The following MYO6 variants were observed in gnomAD, a reference collection of about 807,000 sequenced individuals.
The protein encoded by MYO6 is unconventional myosin-VI.
Under a neutral mutation model 178.7 loss-of-function variants are expected in MYO6, and 74 were observed. That is an observed-to-expected ratio of 0.41 (90% CI 0.34 to 0.50). The LOEUF is 0.50. Ranked by LOEUF, MYO6 falls within the 20% of genes least tolerant of loss-of-function variation. The pLI, the probability that MYO6 is intolerant of heterozygous loss-of-function variation, is 0.09. For missense variants in MYO6, 1,330 were observed against 1,547.4 expected, an observed-to-expected ratio of 0.86 and a Z score of 2.36; for synonymous variants, 477 against 504.6, an observed-to-expected ratio of 0.95 and a Z score of 0.73.
intron 10 of MYO6, among the ~76,000 whole-genome samples, chr6:75,846,730 A>G (rs1295683454): frequency 6.6e-6 from 1 of 152,064 alleles, no homozygotes; most frequent in East Asian, 1.9e-4. Context: ...AGCAGTTCTG[A>G]AGGGGGGAAA....
intron 1 of MYO6, among the ~76,000 whole-genome samples, chr6:75,795,261 T>C (rs190914483): frequency 1.3e-5 from 2 of 152,256 alleles, no homozygotes; most frequent in East Asian, 3.9e-4. Context: ...TGCAGCACCG[T>C]AGAGGAGAGG....
At chr6:75,832,690 G>A (rs1773220897) in intron 5 of MYO6, 152 bp from the exon 6 acceptor site, 1 of 603,014 alleles carries the variant, frequency 1.7e-6, no homozygotes, top group Non-Finnish European at 2.9e-6. Flanking sequence ...AAAATGATTT[G>A]AACACTTTTG....
chr6:75,808,762 T>C (rs971104656), intron 1 of MYO6, among the ~76,000 whole-genome samples: 1 of 152,164 alleles, frequency 6.6e-6, no homozygotes. Flanking sequence ...GTACCCAAGG[T>C]GGTCAGGGCA....
At chr6:75,766,588 A>T (rs1165696980) in intron 1 of MYO6, among the ~76,000 whole-genome samples, 1 of 152,212 alleles carries the variant, frequency 6.6e-6, no homozygotes, top group Non-Finnish European at 1.5e-5. Flanking sequence ...TAGAATAATC[A>T]TGAATGCAGC....
intron 25 of MYO6, 56 bp from the exon 26 acceptor site, chr6:75,890,001 T>C (rs752756540): frequency 1.4e-4 from 175 of 1,234,076 alleles, no homozygotes; most frequent in Non-Finnish European, 2.0e-4. Context: ...ATATTCACAT[T>C]GTTGTGCAAC....
chr6:75,833,751 T>A (rs1171079773), intron 6 of MYO6, among the ~76,000 whole-genome samples: 3 of 152,240 alleles, frequency 2.0e-5, no homozygotes, highest in Non-Finnish European at 4.4e-5. Flanking sequence ...CATTTGTCAA[T>A]GGACATTTAG....
chr6:75,869,253 ATTTC>A (rs1469076765), intron 18 of MYO6, among the ~76,000 whole-genome samples: 1 of 152,002 alleles, frequency 6.6e-6, no homozygotes, highest in African/African-American at 2.4e-5. Flanking sequence ...ATACAACTGT[ATTTC>A]TTTAATTCAA....
At chr6:75,816,934 C>T (rs1223599327) in intron 1 of MYO6, among the ~76,000 whole-genome samples, 1 of 152,158 alleles carries the variant, frequency 6.6e-6, no homozygotes, top group East Asian at 1.9e-4. Context: ...TACTCTACTG[C>T]AGTCATACCT....
chr6:75,751,553 A>G (rs554413270), intron 1 of MYO6, among the ~76,000 whole-genome samples: 1 of 152,342 alleles, frequency 6.6e-6, no homozygotes, highest in African/African-American at 2.4e-5. Flanking sequence ...AAGATCGTAA[A>G]TCATAACCAG....
chr6:75,880,455 A>G (rs892830499), intron 22 of MYO6, among the ~76,000 whole-genome samples: 1 of 152,172 alleles, frequency 6.6e-6, no homozygotes, highest in Non-Finnish European at 1.5e-5. Context: ...ATACACCAAC[A>G]CTAATGATAG....
At chr6:75,840,533 T>G (rs1397204687) in intron 7 of MYO6, 52 bp from the exon 8 acceptor site, 14 of 1,202,346 alleles carry the variant, frequency 1.2e-5, no homozygotes, top group Non-Finnish European at 1.7e-5. Flanking sequence ...ATGCATATTT[T>G]GTAATGTTCC....
At chr6:75,895,336 T>A (rs1779211591) in intron 29 of MYO6, 76 bp downstream of exon 29, 1 of 1,143,238 alleles carries the variant, frequency 8.7e-7, no homozygotes, top group Non-Finnish European at 1.3e-6. Context: ...TTGGAGTAAA[T>A]TTTAAATTAT....
chr6:75,785,435 A>AGTTTTTT (rs1443196844), intron 1 of MYO6, among the ~76,000 whole-genome samples: 1 of 144,820 alleles, frequency 6.9e-6, no homozygotes, highest in Middle Eastern at 3.7e-3. Flanking sequence ...TTTGGATCCT[A>AGTTTTTT]GTTTTTTGTT....
intron 1 of MYO6, among the ~76,000 whole-genome samples, chr6:75,776,793 C>T (rs901932900): frequency 4.0e-5 from 6 of 151,868 alleles, no homozygotes; most frequent in Admixed American, 2.6e-4. Context: ...AACTATAGGT[C>T]TGAGCCACTG....
intron 1 of MYO6, among the ~76,000 whole-genome samples, chr6:75,779,056 CAAAAAAAAAAAAAAAAAA>C (rs142469441): frequency 1.5e-5 from 1 of 64,530 alleles, no homozygotes; most frequent in African/African-American, 5.5e-5. Flanking sequence ...GACTTTGTCT[CAAAAAAAAAAAAAAAAAA>C]AAAAAAAAGA....
intron 1 of MYO6, among the ~76,000 whole-genome samples, chr6:75,801,368 GGTT>G (rs1007269717): frequency 1.3e-4 from 19 of 151,752 alleles, no homozygotes; most frequent in African/African-American, 3.6e-4. Context: ...GAGGAGGGGT[GGTT>G]GTTCTTGCAT....
At chr6:75,761,856 TC>T (rs1653951458) in intron 1 of MYO6, among the ~76,000 whole-genome samples, 1 of 152,088 alleles carries the variant, frequency 6.6e-6, no homozygotes. Flanking sequence ...TCAGATGGGT[TC>T]GGGGTGGCAG....
intron 1 of MYO6, among the ~76,000 whole-genome samples, chr6:75,805,592 C>T (rs962261791): frequency 2.0e-5 from 3 of 152,232 alleles, no homozygotes; most frequent in Middle Eastern, 3.4e-3. Flanking sequence ...TGAAAAGCCA[C>T]GATTGCCTTC....
rs1429062652 is a variant in MYO6, at chr6:75,814,912, T to G, written c.-47-2589T>G. Among the ~76,000 whole-genome samples the G allele has an allele frequency of 3.9e-5, 6 of 152,158 alleles. No individual in the cohort carries two copies. The East Asian group carries it at 7.7e-4, about 20-fold the overall frequency. ...TCAATTCTTCTAAGTCTACACCTGCTTTTACTCTTCCAAAACTGTGTGAAC... is the reference window on the plus strand; with the variant it reads ...TCAATTCTTCTAAGTCTACACCTGCGTTTACTCTTCCAAAACTGTGTGAAC... On this transcript the variant is annotated intron_variant, in intron 1 of 34. Transcript: ENST00000369977.
Sources: allele counts gnomAD v4.1 joint callset (sites outside exome capture counted in the v4.1 genomes callset), GRCh38; gene constraint gnomAD v4.1.1; transcripts MANE v1.5; gene names NCBI Gene and HGNC (gene_info 2026-07-23, HGNC 2026-07-21).